DLG5: variants seen among roughly 807,000 people sequenced by gnomAD.
DLG5 encodes the protein disks large homolog 5.
Under a neutral mutation model 189.8 loss-of-function variants are expected in DLG5, and 48 were observed. That is an observed-to-expected ratio of 0.25 (90% CI 0.20 to 0.32). The LOEUF (loss-of-function observed/expected upper bound fraction) is 0.32. DLG5 is among the 10% of genes least tolerant of loss of function. The pLI is 1.00. For synonymous variants in DLG5, 1,016 were observed against 1,054.1 expected (o/e 0.96, Z 0.70); for missense variants, 2,160 against 2,544.7 (o/e 0.85, Z 3.25).
intron 2 of DLG5, chr10:77,866,996 C>A (rs953665411): frequency 2.2e-6 from 1 of 457,220 alleles, no homozygotes; most frequent in Non-Finnish European, 4.4e-6. Context: ...CAGTACAGAC[C>A]CATCCTGCTC....
At chr10:77,808,040 A>C in intron 24 of DLG5, 96 bp from the exon 25 acceptor site, 1 of 1,431,696 alleles carries the variant, frequency 7.0e-7, no homozygotes, top group Non-Finnish European at 9.5e-7. Context: ...GCAGAAATTC[A>C]ACATCCCTCC....
chr10:77,802,535 T>C (rs1273193052), intron 27 of DLG5, among the ~76,000 whole-genome samples: 4 of 152,178 alleles, frequency 2.6e-5, no homozygotes, highest in Non-Finnish European at 4.4e-5. Context: ...AACCGATGAA[T>C]AATTGATGTG....
intron 1 of DLG5, among the ~76,000 whole-genome samples, chr10:77,883,077 T>C (rs1845331718): frequency 6.6e-6 from 1 of 152,112 alleles, no homozygotes; most frequent in Non-Finnish European, 1.5e-5. Context: ...TTCTGGGCCT[T>C]GGAGTTCAAG....
chr10:77,805,351 T>G (rs1317192670), intron 27 of DLG5, among the ~76,000 whole-genome samples: 3 of 152,176 alleles, frequency 2.0e-5, no homozygotes, highest in Admixed American at 2.0e-4. Context: ...GGCTTCCAGA[T>G]AGCTGCTGAA....
intron 4 of DLG5, among the ~76,000 whole-genome samples, 157 bp from the exon 5 acceptor site, chr10:77,853,694 AC>A (rs1844093297): frequency 6.6e-6 from 1 of 152,146 alleles, no homozygotes; most frequent in South Asian, 2.1e-4. Flanking sequence ...GCAAGCCAAA[AC>A]CTGCTAACAG....
In DLG5 at chr10:77,796,674, G is replaced by A. The variant is rs938296882; in HGVS notation, c.5165-80C>T. The A allele has an allele frequency of 3.8e-6, 6 of 1,567,450 alleles. 1 individual carries two copies. The highest frequency in any genetic ancestry group is 3.5e-5 in the Admixed American group (2 of 57,318). On this transcript the variant is annotated intron_variant, in intron 27 of 31. Coordinates refer to ENST00000372391, the MANE Select transcript of DLG5 (RefSeq NM_004747.4). The surrounding 1 kb of genome is among the most constrained non-coding windows in gnomAD (Gnocchi z 5.2). ...GTGGGGCTGGGGAACCCCGCTCCCT[G>A]ACCTCGCCCACTCTGGTTTGCCTGG...
At chr10:77,826,624 C>A (rs1255652289) in intron 13 of DLG5, among the ~76,000 whole-genome samples, 2 of 144,668 alleles carry the variant, frequency 1.4e-5, no homozygotes, top group African/African-American at 5.2e-5. Flanking sequence ...GTGAGGCTAT[C>A]TCAAACAAAA....
At chr10:77,852,436 G>C (rs1450775304) in intron 5 of DLG5, among the ~76,000 whole-genome samples, 1 of 148,628 alleles carries the variant, frequency 6.7e-6, no homozygotes, top group Non-Finnish European at 1.5e-5. Flanking sequence ...GTTTGTTTGA[G>C]GCAGAATCTT....
chr10:77,807,014 G>T (rs1482606203), intron 25 of DLG5, 86 bp from the exon 26 acceptor site: 2 of 1,472,980 alleles, frequency 1.4e-6, no homozygotes, highest in Non-Finnish European at 1.9e-6. Flanking sequence ...GGCCCCTAAG[G>T]CTGCCATTCT....
chr10:77,792,877 C>T (rs1408236735), intron 31 of DLG5: 4 of 317,976 alleles, frequency 1.3e-5, no homozygotes, highest in African/African-American at 4.3e-5. Flanking sequence ...CTGCAGGAAA[C>T]GACAAGTTTA....
intron 1 of DLG5, among the ~76,000 whole-genome samples, chr10:77,919,780 C>T (rs1846481305): frequency 6.6e-6 from 1 of 152,040 alleles, no homozygotes. Context: ...GAACTTCAGA[C>T]ATCAATGTCA....
intron 13 of DLG5, among the ~76,000 whole-genome samples, chr10:77,827,721 G>T (rs1353140435): frequency 2.0e-5 from 3 of 152,154 alleles, no homozygotes; most frequent in Non-Finnish European, 4.4e-5. Context: ...TCAATAGGTG[G>T]ATAATTTAAA....
rs139630888 is a variant in DLG5, at chr10:77,802,125, G to A, written c.5164+3540C>T. ...TCTCCTCAAGCCCGGAGGGAGCGAA[G>A]GTTGGCCAACAATTTGACTGACCCA... On this transcript the variant is annotated intron_variant, in intron 27 of 31. Transcript: ENST00000372391. 4.3e-3 allele frequency among the ~76,000 whole-genome samples: 659 copies of A among 152,310 alleles called. 8 individuals are homozygous for A. Among genetic ancestry groups the A allele is most frequent in the Admixed American group, 0.016 (249 of 15,302 alleles).
At chr10:77,825,455 T>A (rs1261957512) in intron 13 of DLG5, among the ~76,000 whole-genome samples, 2 of 150,236 alleles carry the variant, frequency 1.3e-5, no homozygotes, top group Non-Finnish European at 3.0e-5. Flanking sequence ...ATTATACTCA[T>A]GCAAGGTGCA....
At chr10:77,836,377 C>T (rs78575985) in intron 7 of DLG5, among the ~76,000 whole-genome samples, 7,114 of 152,140 alleles carry the variant, frequency 0.047, 305 homozygotes, top group East Asian at 0.25. Context: ...TGACGGATGA[C>T]AAAGCAAGTG....
chr10:77,930,309 C>CT (rs199570598), upstream of DLG5, among the ~76,000 whole-genome samples: 61 of 148,892 alleles, frequency 4.1e-4, no homozygotes, highest in South Asian at 1.1e-3. Flanking sequence ...CAATCAGCTT[C>CT]TTTTTTTTTT....
rs192934523 is a variant in DLG5, at chr10:77,839,484, G to A, written c.1437+2397C>T. Among the ~76,000 whole-genome samples the A allele has an allele frequency of 1.8e-4, 28 of 152,214 alleles. No individual in the cohort carries two copies. The East Asian group carries it at 5.4e-3, about 29-fold the overall frequency. On this transcript the variant is annotated intron_variant, in intron 7 of 31. Transcript: ENST00000372391. ...CCACTTCACTCCAGCCTGGGCAAAAGAGGGAAACCACATCTCAAAAAAAGA... is the reference window on the plus strand; with the variant it reads ...CCACTTCACTCCAGCCTGGGCAAAAAAGGGAAACCACATCTCAAAAAAAGA...
At position 77,907,512 on chromosome 10, in the gene DLG5, G is replaced by C. The variant is rs1166251982; in HGVS notation, c.304+18705C>G. On this transcript the variant is annotated intron_variant, in intron 1 of 31. Transcript: ENST00000372391. ...GATAATCAATTGAGCCTGTGAGGTG[G>C]AGGTGGCCATGAGCTGAGATCATGC... Among the ~76,000 whole-genome samples the C allele has an allele frequency of 2.6e-5, 4 of 152,158 alleles. No homozygotes were observed. In the East Asian group the frequency reaches 7.7e-4, roughly 29 times the overall value.
rs531354170 is a variant in DLG5 at position 77,846,738 on chromosome 10, C to T, written c.865-3032G>A. On this transcript the variant is annotated intron_variant, in intron 5 of 31. Transcript: ENST00000372391. ...TCAAATGTTTTACTGTCTAAACATC[C>T]CCTAAGCCAAGTGAGAACCCCATTG... 25 of 456,198 alleles carry T rather than the reference C, an allele frequency of 5.5e-5. No individual in the cohort carries two copies. In the East Asian group the frequency reaches 1.7e-3, roughly 30 times the overall value. The allele number at this position is 456,198 out of a possible 1,614,324, so 28.3% of individuals were successfully genotyped here.
Sources: gnomAD v4.1 joint callset for allele counts (sites outside exome capture counted in the v4.1 genomes callset) on GRCh38, gnomAD v4.1.1 for gene constraint, Gnocchi (gnomAD v3.1) non-coding constraint, MANE v1.5 for transcripts, NCBI Gene and HGNC (gene_info 2026-07-23, HGNC 2026-07-21) for gene names.